The following PCDHA6 variants were observed in gnomAD, a reference collection of about 807,000 sequenced individuals.
The protein encoded by PCDHA6 is protocadherin alpha 6, also known as protocadherin alpha-6.
In PCDHA6, 55 loss-of-function variants were observed where a neutral mutation model predicts 60.3. The observed-to-expected ratio is 0.91, with a 90% confidence interval of 0.73 to 1.14. The LOEUF (loss-of-function observed/expected upper bound fraction) is 1.14. Among genes scored for constraint, PCDHA6 ranks in the 50% most tolerant of loss-of-function variants. The pLI is 0.00. For synonymous variants in PCDHA6, 652 were observed against 557.9 expected, an observed-to-expected ratio of 1.17 and a Z score of -2.38; for missense variants, 1,327 against 1,256.5, an observed-to-expected ratio of 1.06 and a Z score of -0.85.
intron 1 of PCDHA6, among the ~76,000 whole-genome samples, chr5:140,943,086 G>A (rs1384084328): frequency 6.6e-6 from 1 of 151,632 alleles, no homozygotes; most frequent in African/African-American, 2.4e-5. Flanking sequence ...GTGAAATCCT[G>A]CCTCTACTAA....
intron 1 of PCDHA6, among the ~76,000 whole-genome samples, chr5:140,960,334 T>C (rs902345282): frequency 6.6e-6 from 1 of 152,182 alleles, no homozygotes; most frequent in African/African-American, 2.4e-5. Context: ...GAGAAGTACA[T>C]GAGGTGAGAT....
chr5:140,927,317 G>T (rs782172424), intron 1 of PCDHA6: 3 of 1,614,146 alleles, frequency 1.9e-6, no homozygotes, highest in Admixed American at 1.7e-5. Flanking sequence ...CCCGGAGCCC[G>T]CTTTACTCTC....
intron 1 of PCDHA6, among the ~76,000 whole-genome samples, chr5:140,952,977 C>G (rs148504111): frequency 6.6e-6 from 1 of 152,064 alleles, no homozygotes; most frequent in East Asian, 1.9e-4. Flanking sequence ...TTTTAAACAA[C>G]AAGATCTCAT....
chr5:140,850,376 C>G (rs2041562813), intron 1 of PCDHA6: 1 of 1,597,960 alleles, frequency 6.3e-7, no homozygotes, highest in Non-Finnish European at 8.6e-7. Flanking sequence ...TGGGGCTGTA[C>G]ACGGGCGAGA....
Position 140,861,683 on chromosome 5 carries a change from C to G in PCDHA6, c.2394+31198C>G, listed in dbSNP as rs1386318519. ...GAGAGCTCTTGATTATCGTGTTTCA[C>G]TAGAGGGTGTCTGTGATGCCGACGT... On this transcript the variant is annotated intron_variant, in intron 1 of 3. Coordinates refer to ENST00000529310, the MANE Select transcript of PCDHA6 (RefSeq NM_018909.4). 2.1e-5 allele frequency: 5 copies of G among 233,410 alleles called. No homozygotes were observed. The East Asian group carries it at 3.6e-4, about 17-fold the overall frequency. 14.5% of individuals were successfully genotyped at this position (233,410 alleles called of 1,614,324 possible).
intron 1 of PCDHA6, chr5:140,871,003 C>T (rs782654281): frequency 1.2e-6 from 2 of 1,613,416 alleles, no homozygotes; most frequent in Non-Finnish European, 1.7e-6. Context: ...AAGCACAACG[C>T]GTGCCCTGGA....
rs143656335 is a variant in PCDHA6, at chr5:140,968,986, A to G, written c.2395-9963A>G. 244 of 1,614,206 alleles carry G rather than the reference A, an allele frequency of 1.5e-4. No individual in the cohort carries two copies. In the African/African-American group the frequency reaches 3.0e-3, roughly 20 times the overall value. On this transcript the variant is annotated intron_variant, in intron 1 of 3. Transcript: ENST00000529310. ...ACCGCTACACTGCGTATGGCACTGC[A>G]TGCTGTGGAGGCTTCTGTGGAGTAA...
chr5:140,850,279 G>A lies in PCDHA6; in HGVS notation c.2394+19794G>A, dbSNP rs140634296. On this transcript the variant is annotated intron_variant, in intron 1 of 3. Coordinates refer to ENST00000529310, the MANE Select transcript of PCDHA6 (RefSeq NM_018909.4). ...GCCGGCGTAGTGGTGGGGAAGGTGC[G>A]CGCAGTGGACGCCGACTCGGGCTAC... The A allele has an allele frequency of 3.4e-5, 54 of 1,595,452 alleles. 4 individuals carry two copies. The highest frequency in any genetic ancestry group is 4.5e-5 in the Non-Finnish European group (53 of 1,167,590).
chr5:140,961,028 C>T (rs889602727), intron 1 of PCDHA6, among the ~76,000 whole-genome samples: 2 of 152,146 alleles, frequency 1.3e-5, no homozygotes, highest in African/African-American at 4.8e-5. Context: ...TTGCTACCTC[C>T]TTGTTTTGAG....
Position 140,829,709 on chromosome 5 carries a change from G to T in PCDHA6, c.1618G>T (p.Ala540Ser), listed in dbSNP as rs1362946626. The change falls in exon 1 of 4, where the codon GCG becomes TCG. Residue 540 changes from alanine to serine, a missense_variant. Coordinates refer to ENST00000529310, the MANE Select transcript of PCDHA6 (RefSeq NM_018909.4). Reference protein sequence around the residue: ...LLQFQVSARDAGVPPLGSNVT... With the variant: ...LLQFQVSARDSGVPPLGSNVT... ...GCAGTTTCAGGTGAGCGCGCGCGAC[G>T]CGGGCGTGCCGCCTCTGGGCAGCAA... 3 of 1,613,434 alleles carry T rather than the reference G, an allele frequency of 1.9e-6. No homozygotes were observed. The highest frequency in any genetic ancestry group is 1.7e-6 in the Non-Finnish European group (2 of 1,179,870).
chr5:140,881,376 C>T (rs1487314933), intron 1 of PCDHA6: 2 of 984,636 alleles, frequency 2.0e-6, no homozygotes, highest in South Asian at 4.7e-5. Context: ...GAATTGCAGC[C>T]GGCGGCGGTA....
In PCDHA6 at chr5:140,876,316, A is replaced by G. The variant is rs782671827; in HGVS notation, c.2394+45831A>G. ...TAATGGAGAAATTTCCTATGGGATC[A>G]AAATGATTTTGCCAGTGAGTGAGAA... is the stretch of plus-strand genomic sequence containing the variant. On this transcript the variant is annotated intron_variant, in intron 1 of 3. Transcript: ENST00000529310. 4 of 1,613,952 alleles carry G rather than the reference A, an allele frequency of 2.5e-6. No individual in the cohort carries two copies. Among genetic ancestry groups the G allele is most frequent in the Admixed American group, 3.3e-5 (2 of 60,018 alleles).
intron 1 of PCDHA6, among the ~76,000 whole-genome samples, chr5:140,950,299 C>T (rs246045): frequency 0.56 from 85,681 of 151,798 alleles, 24,780 homozygotes; most frequent in African/African-American, 0.69. Context: ...AAAAACTTTA[C>T]TTAGCAGTTT....
chr5:140,885,941 T>G (rs2060783691), intron 1 of PCDHA6, among the ~76,000 whole-genome samples: 1 of 152,196 alleles, frequency 6.6e-6, no homozygotes, highest in Non-Finnish European at 1.5e-5. Flanking sequence ...TTTTTTGACA[T>G]TTTTAATTAA....
chr5:140,985,813 CA>C lies in PCDHA6; in HGVS notation c.2542+3251del, dbSNP rs527803363. 8.2e-5 allele frequency among the ~76,000 whole-genome samples: 12 copies of C among 146,604 alleles called. No homozygotes were observed. In the East Asian group the frequency reaches 2.3e-3, roughly 28 times the overall value. ...GGAGTGCAGTGGCACGATCTCAGCT[CA>C]CAACAAGCTCTGCCTCCCGGGTTCA... On this transcript the variant is annotated intron_variant, in intron 3 of 3. Transcript: ENST00000529310.
chr5:140,859,547 A>G (rs1185528654), intron 1 of PCDHA6: 1 of 181,734 alleles, frequency 5.5e-6, no homozygotes, highest in Non-Finnish European at 1.1e-5. Flanking sequence ...TTCTAGTGTT[A>G]CCAAACACCA....
intron 1 of PCDHA6, chr5:140,883,780 G>C (rs903874944): frequency 1.2e-6 from 2 of 1,612,370 alleles, no homozygotes; most frequent in Admixed American, 1.7e-5. Flanking sequence ...AGCGTGCGCT[G>C]TCGAGCTACG....
intron 1 of PCDHA6, among the ~76,000 whole-genome samples, chr5:140,937,780 C>T (rs1459266022): frequency 3.3e-5 from 5 of 151,656 alleles, no homozygotes; most frequent in African/African-American, 7.3e-5. Flanking sequence ...GGCGTGGTGG[C>T]GGGCGTATGT....
rs1389969210 is a variant in PCDHA6, at chr5:140,877,650, G to T, written c.2394+47165G>T. The T allele has an allele frequency of 3.1e-6, 5 of 1,613,390 alleles. No individual in the cohort carries two copies. The African/African-American group carries it at 6.7e-5, about 22-fold the overall frequency. ...ACACTGCGCTGCGTTGCTCAGCGCC[G>T]CCCACCGTGAGCCGGTGCGCGCCGG... On this transcript the variant is annotated intron_variant, in intron 1 of 3. Coordinates refer to ENST00000529310, the MANE Select transcript of PCDHA6 (RefSeq NM_018909.4).
Sources: allele counts gnomAD v4.1 joint callset (sites outside exome capture counted in the v4.1 genomes callset), GRCh38; gene constraint gnomAD v4.1.1; transcripts MANE v1.5; gene names NCBI Gene and HGNC (gene_info 2026-07-23, HGNC 2026-07-21).